The following TMC1 variants were observed in gnomAD, a reference collection of about 807,000 sequenced individuals.
TMC1 encodes transmembrane channel-like protein 1.
TMC1 carries 84 observed loss-of-function variants against 105.8 expected under a neutral mutation model. That is an observed-to-expected ratio of 0.79 (90% confidence interval 0.67 to 0.95). TMC1 has a LOEUF of 0.95. Among genes scored for constraint, TMC1 ranks in the 40% least tolerant of loss-of-function variants. The pLI is 0.00. For missense variants in TMC1, 817 were observed against 914.1 expected (o/e 0.89, Z 1.37); for synonymous variants, 315 against 311.5 (o/e 1.01, Z -0.12).
At chr9:72,694,486 T>C in intron 6 of TMC1, 57 bp from the exon 7 acceptor site, 1 of 1,497,372 alleles carries the variant, frequency 6.7e-7, no homozygotes, top group Non-Finnish European at 9.2e-7. Context: ...AGAATAAGCT[T>C]GGTAGTGGGA....
At chr9:72,668,979 A>C (rs1461893653) in intron 5 of TMC1, among the ~76,000 whole-genome samples, 1 of 152,190 alleles carries the variant, frequency 6.6e-6, no homozygotes, top group Non-Finnish European at 1.5e-5. Context: ...TCATTTTTAG[A>C]AAACAAAAAC....
chr9:72,755,535 A>T lies in TMC1; in HGVS notation c.741+651A>T, dbSNP rs115028575. 3.6e-3 allele frequency among the ~76,000 whole-genome samples: 554 copies of T among 152,256 alleles called. 6 individuals carry two copies. The highest frequency in any genetic ancestry group is 0.013 in the African/African-American group (530 of 41,532). ...ACTCCTTGAGCTCCCTTAGGTAGAG[A>T]TTATTACTATGGAAAGGAGTTATTT... On this transcript the variant is annotated intron_variant, in intron 12 of 23. Coordinates refer to ENST00000297784, the MANE Select transcript of TMC1 (RefSeq NM_138691.3).
At chr9:72,611,794 A>G (rs917424952) in intron 2 of TMC1, among the ~76,000 whole-genome samples, 2 of 152,194 alleles carry the variant, frequency 1.3e-5, no homozygotes, top group Non-Finnish European at 2.9e-5. Flanking sequence ...TGGAGTCTTG[A>G]ATCGTGGATT....
chr9:72,741,339 T>C, intron 9 of TMC1: 1 of 356,684 alleles, frequency 2.8e-6, no homozygotes, highest in Non-Finnish European at 5.2e-6. Flanking sequence ...CTTCCTTTTC[T>C]TATGCTTATT....
At chr9:72,584,280 T>G (rs951876527) in intron 2 of TMC1, among the ~76,000 whole-genome samples, 1 of 151,558 alleles carries the variant, frequency 6.6e-6, no homozygotes, top group Non-Finnish European at 1.5e-5. Flanking sequence ...TTTTTTTTTT[T>G]TTTGAGACAG....
chr9:72,653,403 T>C (rs1825842318), intron 5 of TMC1, among the ~76,000 whole-genome samples: 1 of 152,170 alleles, frequency 6.6e-6, no homozygotes, highest in Non-Finnish European at 1.5e-5. Flanking sequence ...TGTTCGTCAG[T>C]AATGACTGAT....
intron 8 of TMC1, among the ~76,000 whole-genome samples, chr9:72,701,910 G>A (rs1826652601): frequency 6.6e-6 from 1 of 152,144 alleles, no homozygotes; most frequent in Non-Finnish European, 1.5e-5. Flanking sequence ...AACTCCCTTT[G>A]CATGCTCATG....
intron 4 of TMC1, among the ~76,000 whole-genome samples, chr9:72,629,825 A>G (rs7868865): frequency 0.1 from 15,222 of 152,122 alleles, 941 homozygotes; most frequent in African/African-American, 0.16. Flanking sequence ...AATTGTCTCA[A>G]TATGATAGAT....
At chr9:72,644,502 TATTGA>T (rs1194221311) in intron 4 of TMC1, among the ~76,000 whole-genome samples, 4 of 152,240 alleles carry the variant, frequency 2.6e-5, no homozygotes, top group Middle Eastern at 3.4e-3. Flanking sequence ...CAGCACTATT[TATTGA>T]AAAGACTAAT....
rs191853508 is a variant in TMC1, at chr9:72,547,115, C to T, written c.-428+25202C>T. ...CAGCCTGGCCAACATGGTGAAACCTCGTCTCTACTGAAAATACAAAAATCA... is the reference window on the plus strand; with the variant it reads ...CAGCCTGGCCAACATGGTGAAACCTTGTCTCTACTGAAAATACAAAAATCA... On this transcript the variant is annotated intron_variant, in intron 1 of 23. Coordinates refer to ENST00000297784, the MANE Select transcript of TMC1 (RefSeq NM_138691.3). Among the ~76,000 whole-genome samples the T allele has an allele frequency of 1.3e-4, 20 of 152,144 alleles. 1 individual carries two copies. The South Asian group carries it at 2.7e-3, about 21-fold the overall frequency.
At chr9:72,598,537 C>T (rs576132363) in intron 2 of TMC1, among the ~76,000 whole-genome samples, 1 of 152,150 alleles carries the variant, frequency 6.6e-6, no homozygotes, top group African/African-American at 2.4e-5. Flanking sequence ...TTTCTGCCCC[C>T]AGAGGTTGCT....
chr9:72,578,697 A>C (rs1002829839), intron 2 of TMC1, among the ~76,000 whole-genome samples: 15 of 152,242 alleles, frequency 9.9e-5, no homozygotes, highest in Admixed American at 4.6e-4. Context: ...GGAGCTTTTT[A>C]AAAGTATTAA....
intron 1 of TMC1, among the ~76,000 whole-genome samples, chr9:72,544,339 A>AATCCCAGATACTC (rs71357581): frequency 1.1e-4 from 17 of 151,680 alleles, no homozygotes; most frequent in Non-Finnish European, 1.9e-4. Flanking sequence ...CTCAAGGTAT[A>AATCCCAGATACTC]TCCACTTCAC....
chr9:72,823,815 T>C (rs1407887906), intron 20 of TMC1, among the ~76,000 whole-genome samples: 1 of 152,232 alleles, frequency 6.6e-6, no homozygotes, highest in Non-Finnish European at 1.5e-5. Context: ...TTTTCATATA[T>C]TTTCATCTTA....
At chr9:72,544,731 C>T (rs1484537426) in intron 1 of TMC1, among the ~76,000 whole-genome samples, 5 of 151,462 alleles carry the variant, frequency 3.3e-5, no homozygotes, top group East Asian at 1.9e-4. Flanking sequence ...CCTCCCACCT[C>T]GGCCTCCCAA....
At chr9:72,832,778 A>C (rs1250643570) in intron 23 of TMC1, among the ~76,000 whole-genome samples, 1 of 152,182 alleles carries the variant, frequency 6.6e-6, no homozygotes, top group African/African-American at 2.4e-5. Flanking sequence ...TTATCAGACT[A>C]GTTTTTAATG....
intron 1 of TMC1, among the ~76,000 whole-genome samples, chr9:72,572,057 A>G (rs1824296310): frequency 6.6e-6 from 1 of 152,200 alleles, no homozygotes; most frequent in Non-Finnish European, 1.5e-5. Flanking sequence ...GCTGGTCTCG[A>G]ACTCCCAACC....
chr9:72,671,124 A>G (rs754264488), intron 5 of TMC1, among the ~76,000 whole-genome samples: 6 of 152,234 alleles, frequency 3.9e-5, no homozygotes, highest in Non-Finnish European at 8.8e-5. Context: ...GAGTATTTTT[A>G]TAGTAGGTTT....
chr9:72,684,937 C>T (rs1826350588), intron 5 of TMC1, among the ~76,000 whole-genome samples: 1 of 152,054 alleles, frequency 6.6e-6, no homozygotes, highest in Admixed American at 6.6e-5. Flanking sequence ...GAGGTAAAAA[C>T]ATCCAATTTG....
Sources: allele counts gnomAD v4.1 joint callset (sites outside exome capture counted in the v4.1 genomes callset), GRCh38; gene constraint gnomAD v4.1.1; transcripts MANE v1.5; gene names NCBI Gene and HGNC (gene_info 2026-07-23, HGNC 2026-07-21).